The following NCOR2 variants were observed in gnomAD, a reference collection of about 807,000 sequenced individuals.
NCOR2 encodes nuclear receptor corepressor 2.
NCOR2 carries 81 observed loss-of-function variants against 262.9 expected under a neutral mutation model. That is an observed-to-expected ratio of 0.31 (90% CI 0.26 to 0.37). The LOEUF (loss-of-function observed/expected upper bound fraction) is 0.37. Among genes scored for constraint, NCOR2 ranks in the 10% least tolerant of loss-of-function variants. The probability of loss-of-function intolerance (pLI) is 1.00; values close to 1 mark genes in which losing one functional copy is unlikely to be tolerated. For synonymous variants in NCOR2, 1,659 were observed against 1,559.3 expected (o/e 1.06, Z -1.51); for missense variants, 3,385 against 3,621.4 (o/e 0.93, Z 1.68).
chr12:124,350,732 C>T (rs2037375764), exon 28 of NCOR2: 7 of 1,610,716 alleles, frequency 4.3e-6, no homozygotes, highest in South Asian at 1.1e-5. Flanking sequence ...CGTCAGCTGG[C>T]GTGCCCTGCA....
chr12:124,495,183 G>A lies in NCOR2; in HGVS notation c.69C>T (p.Ser23=), dbSNP rs1226817253. ...GGGCGATCTGCACTGGGTAGGAAAG[G>A]CTGTGGGGCGGGTAGCGGGGCTCAG... The change falls in exon 1 of 47, where the codon AGC becomes AGT. Residue 23 remains serine (S), a synonymous_variant. Coordinates refer to ENST00000405201, the Ensembl canonical transcript of NCOR2. The surrounding 1 kb of genome is among the most constrained non-coding windows in gnomAD (Gnocchi z 4.4). The A allele has an allele frequency of 1.9e-6, 3 of 1,614,004 alleles. No homozygotes were observed. In the South Asian group the frequency reaches 3.3e-5, roughly 18 times the overall value.
At chr12:124,478,641 G>A (rs566058526) in intron 3 of NCOR2, among the ~76,000 whole-genome samples, 3 of 152,076 alleles carry the variant, frequency 2.0e-5, no homozygotes, top group South Asian at 2.1e-4. Flanking sequence ...CAATTACTGC[G>A]GCCAGGCTGG....
intron 20 of NCOR2, among the ~76,000 whole-genome samples, chr12:124,364,273 G>C (rs2038842734): frequency 6.6e-6 from 1 of 152,238 alleles, no homozygotes; most frequent in South Asian, 2.1e-4. Context: ...GAAATGAAGA[G>C]ATTCACCAAG....
At chr12:124,385,150 G>C (rs970537329) in intron 17 of NCOR2, among the ~76,000 whole-genome samples, 6 of 152,150 alleles carry the variant, frequency 3.9e-5, no homozygotes, top group African/African-American at 1.4e-4. Context: ...GCTCCTCAGA[G>C]GCCATTTACA....
chr12:124,437,131 T>TAATGA (rs138219443), intron 8 of NCOR2, among the ~76,000 whole-genome samples: 2,441 of 151,882 alleles, frequency 0.016, 63 homozygotes, highest in African/African-American at 0.055. Flanking sequence ...AAATGAAATG[T>TAATGA]AATGAAATGA....
At chr12:124,383,394 C>A in intron 17 of NCOR2, 1 of 320,096 alleles carries the variant, frequency 3.1e-6, no homozygotes, top group East Asian at 8.1e-5. Context: ...AGTGGGATCT[C>A]TGGCTGCATG....
At chr12:124,469,225 C>T (rs2046704121) in intron 4 of NCOR2, among the ~76,000 whole-genome samples, 1 of 152,082 alleles carries the variant, frequency 6.6e-6, no homozygotes. Context: ...TTATGACGCT[C>T]GCACAGCCTG....
chr12:124,503,998 C>G lies in NCOR2; in HGVS notation c.-117-8630G>C, dbSNP rs1298985247. ...AAACCCATATAACTGCTCCCCAAGT[C>G]CCAGCCTGCTGAGTAAGAAGGACCC... On this transcript the variant is annotated intron_variant, in intron 1 of 46. Transcript: ENST00000404621. This position sits in a 1 kb window ranked among gnomAD's most constrained non-coding sequence, Gnocchi z 4.3. Among the ~76,000 whole-genome samples, 1 of 152,174 alleles carries G rather than the reference C, an allele frequency of 6.6e-6. No homozygotes were observed. The highest frequency in any genetic ancestry group is 1.5e-5 in the Non-Finnish European group (1 of 68,030).
chr12:124,398,732 T>G (rs191467902), intron 15 of NCOR2, among the ~76,000 whole-genome samples: 1 of 152,340 alleles, frequency 6.6e-6, no homozygotes, highest in Admixed American at 6.5e-5. Context: ...CTACTCCAAT[T>G]GTGACCATCA....
At chr12:124,475,154 C>A (rs2047037609) in intron 3 of NCOR2, among the ~76,000 whole-genome samples, 1 of 152,174 alleles carries the variant, frequency 6.6e-6, no homozygotes, top group Non-Finnish European at 1.5e-5. Flanking sequence ...CAGCAGGGGC[C>A]TGGACAACCC....
At chr12:124,496,084 A>G (rs145540113), upstream of NCOR2, among the ~76,000 whole-genome samples, 616 of 151,952 alleles carry the variant, frequency 4.1e-3, 3 homozygotes, top group African/African-American at 0.014. The surrounding 1 kb of genome is among the most constrained non-coding windows in gnomAD (Gnocchi z 4.4). Context: ...GAGAGGATCT[A>G]CTCGTGGCCA....
At chr12:124,339,900 C>CCCCCCCCTCCCATAT in intron 37 of NCOR2, 106 bp downstream of exon 39, 1 of 659,508 alleles carries the variant, frequency 1.5e-6, no homozygotes, top group Non-Finnish European at 2.5e-6. Flanking sequence ...TCTGCCCACC[C>CCCCCCCCTCCCATAT]ACCCACCTCC....
At chr12:124,448,736 A>G (rs2045342085) in intron 7 of NCOR2, among the ~76,000 whole-genome samples, 1 of 152,234 alleles carries the variant, frequency 6.6e-6, no homozygotes, top group African/African-American at 2.4e-5. Flanking sequence ...CTAGTCCAGC[A>G]CCAGCAGATG....
Position 124,518,521 on chromosome 12 carries a change from G to T in NCOR2, c.-118+17044C>A, listed in dbSNP as rs140353671. ...CCGCCTGACCCCACGGCTGGGCCGT[G>T]AACGAGACGTCGGGCCTCCAGCGAT... On this transcript the variant is annotated intron_variant, in intron 1 of 46. Transcript: ENST00000404621. 5.0e-3 allele frequency among the ~76,000 whole-genome samples: 762 copies of T among 152,380 alleles called. 5 individuals carry two copies. The highest frequency in any genetic ancestry group is 0.017 in the African/African-American group (722 of 41,602).
intron 1 of NCOR2, among the ~76,000 whole-genome samples, chr12:124,512,412 G>A (rs190666853): frequency 4.8e-4 from 73 of 152,314 alleles, no homozygotes; most frequent in African/African-American, 1.7e-3. Flanking sequence ...ATGTAGTCTT[G>A]CTCTCTCCTC....
At chr12:124,400,432 C>T (rs2041932917) in intron 15 of NCOR2, 69 bp downstream of exon 17, 13 of 1,566,910 alleles carry the variant, frequency 8.3e-6, no homozygotes, top group Non-Finnish European at 9.5e-6. Context: ...TTGCACGAAA[C>T]TTTCATATGA....
intron 16 of NCOR2, chr12:124,388,690 C>G: frequency 1.5e-6 from 2 of 1,304,502 alleles, no homozygotes; most frequent in Non-Finnish European, 2.0e-6. Flanking sequence ...CTCACATCCT[C>G]TCATTCGCGT....
At chr12:124,463,228 C>T (rs1949390660) in intron 5 of NCOR2, among the ~76,000 whole-genome samples, 1 of 152,256 alleles carries the variant, frequency 6.6e-6, no homozygotes, top group African/African-American at 2.4e-5. Flanking sequence ...AGGCTCCTAC[C>T]TCGTGCCCAC....
intron 1 of NCOR2, among the ~76,000 whole-genome samples, chr12:124,561,205 G>C (rs1456707780): frequency 2.0e-5 from 3 of 152,242 alleles, no homozygotes; most frequent in Non-Finnish European, 2.9e-5. Context: ...TCCAGGAGAA[G>C]TGACAGCTAA....
Sources: allele counts gnomAD v4.1 joint callset (sites outside exome capture counted in the v4.1 genomes callset), GRCh38; gene constraint gnomAD v4.1.1; non-coding constraint Gnocchi (gnomAD v3.1); transcripts MANE v1.5; gene names NCBI Gene and HGNC (gene_info 2026-07-23, HGNC 2026-07-21).